Variants in PLEKHA7 observed in about 807,000 individuals in gnomAD.
PLEKHA7 encodes the protein pleckstrin homology domain-containing family A member 7.
PLEKHA7 carries 104 observed loss-of-function variants against 170.0 expected under a neutral mutation model. The ratio of observed to expected loss-of-function variants is 0.61; its 90% CI spans 0.52 to 0.72. The LOEUF (loss-of-function observed/expected upper bound fraction) is 0.72, where lower values mean the gene tolerates loss of function less well. Among genes scored for constraint, PLEKHA7 ranks in the 30% least tolerant of loss-of-function variants. PLEKHA7 has a pLI of 0.00. For synonymous variants in PLEKHA7, 648 were observed against 660.8 expected (o/e 0.98, Z 0.30); for missense variants, 1,615 against 1,671.7 (o/e 0.97, Z 0.59).
chr11:16,853,124 T>G (rs1853120014), intron 6 of PLEKHA7, among the ~76,000 whole-genome samples: 2 of 152,122 alleles, frequency 1.3e-5, no homozygotes, highest in African/African-American at 4.8e-5. Context: ...GGCAGGAAGA[T>G]CGCCTGTGAC....
intron 3 of PLEKHA7, among the ~76,000 whole-genome samples, chr11:16,948,626 GCA>G (rs149014953): frequency 1.4e-5 from 2 of 140,226 alleles, no homozygotes; most frequent in Non-Finnish European, 3.1e-5. Context: ...ACACACATGT[GCA>G]CACACACAGA....
chr11:16,846,346 C>T (rs2058160), intron 8 of PLEKHA7, among the ~76,000 whole-genome samples: 13,267 of 152,020 alleles, frequency 0.087, 842 homozygotes, highest in Non-Finnish European at 0.13. Context: ...AGAAAAGAAA[C>T]GAAACTTCTC....
chr11:16,961,540 C>T (rs1319897459), intron 3 of PLEKHA7, among the ~76,000 whole-genome samples: 2 of 152,226 alleles, frequency 1.3e-5, no homozygotes, highest in African/African-American at 4.8e-5. Flanking sequence ...ACCCTGCACC[C>T]ACCCCTGGCT....
chr11:16,826,099 G>T (rs1057100653), intron 10 of PLEKHA7, 21 bp downstream of exon 10: 2 of 1,601,558 alleles, frequency 1.2e-6, no homozygotes, highest in East Asian at 2.2e-5. Flanking sequence ...TATAAGCAGC[G>T]ATCCTGAGTC....
chr11:16,890,655 C>T (rs754278558), intron 3 of PLEKHA7, among the ~76,000 whole-genome samples: 3 of 152,074 alleles, frequency 2.0e-5, no homozygotes, highest in Non-Finnish European at 4.4e-5. Flanking sequence ...CATCTAGTCT[C>T]TTTGTTGCAT....
intron 23 of PLEKHA7, chr11:16,787,190 C>G: frequency 1.0e-6 from 1 of 985,402 alleles, no homozygotes; most frequent in Non-Finnish European, 1.2e-6. Context: ...GGCCTTTGAC[C>G]GCTGAGCAGG....
rs935426198 is a variant in PLEKHA7, at chr11:16,791,141, G to A, written c.2804C>T (p.Pro935Leu). The change falls in exon 20 of 27, where the codon CCC becomes CTC. Residue 935 changes from proline to leucine, a missense_variant. Physicochemically the swap from Pro to Leu is moderately conservative, Grantham distance 98 (BLOSUM62 -3). Coordinates refer to ENST00000531066, the MANE Select transcript of PLEKHA7 (RefSeq NM_001329630.2). This position sits in a 1 kb window ranked among gnomAD's most constrained non-coding sequence, Gnocchi z 4.5. ...LPELYSPEDQPPAVPPLPREA... is the reference protein window; with the variant it reads ...LPELYSPEDQLPAVPPLPREA... ...TCTTGGCAGAGGCGGCACAGCCGGG[G>A]GCTGGTCCTCTGGGCTGTAGAGTTC... 1 of 1,613,796 alleles carries A rather than the reference G, an allele frequency of 6.2e-7. No individual in the cohort carries two copies. The highest frequency in any genetic ancestry group is 8.5e-7 in the Non-Finnish European group (1 of 1,179,922).
chr11:16,952,587 T>A (rs890258135), intron 3 of PLEKHA7, among the ~76,000 whole-genome samples: 4 of 152,128 alleles, frequency 2.6e-5, no homozygotes, highest in Non-Finnish European at 4.4e-5. Flanking sequence ...AAAAAAAAAA[T>A]TCCCAGACTT....
At chr11:16,868,105 C>A (rs1476075069) in intron 4 of PLEKHA7, among the ~76,000 whole-genome samples, 1 of 152,124 alleles carries the variant, frequency 6.6e-6, no homozygotes, top group Non-Finnish European at 1.5e-5. Flanking sequence ...TCAGTTTAAA[C>A]CACATCCCTT....
Position 16,820,550 on chromosome 11 carries a change from T to G in PLEKHA7, c.1344-3228A>C, listed in dbSNP as rs1850131967. ...AGTGCCTGAATCCTCAAAACAGAGG[T>G]GGTAGCGGTGGCAGAAACCAGGCTG... On this transcript the variant is annotated intron_variant, in intron 10 of 26. Coordinates refer to ENST00000531066, the MANE Select transcript of PLEKHA7 (RefSeq NM_001329630.2). 2.0e-5 allele frequency among the ~76,000 whole-genome samples: 3 copies of G among 151,956 alleles called. No homozygotes were observed. In the South Asian group the frequency reaches 6.2e-4, roughly 32 times the overall value.
chr11:16,924,127 A>G lies in PLEKHA7; in HGVS notation c.222-52945T>C, dbSNP rs190083873. ...TTAGGGCCCCACCCAGAAATACCCC[A>G]GCACACAAACAGGACACCTTGTACA... On this transcript the variant is annotated intron_variant, in intron 3 of 26. Coordinates refer to ENST00000531066, the MANE Select transcript of PLEKHA7 (RefSeq NM_001329630.2). Among the ~76,000 whole-genome samples the G allele has an allele frequency of 2.1e-3, 318 of 150,872 alleles. 2 individuals are homozygous for G. The highest frequency in any genetic ancestry group is 7.4e-3 in the African/African-American group (302 of 40,958).
intron 3 of PLEKHA7, among the ~76,000 whole-genome samples, chr11:16,925,879 G>C (rs1341826998): frequency 6.6e-6 from 1 of 152,248 alleles, no homozygotes; most frequent in Non-Finnish European, 1.5e-5. Flanking sequence ...TCCTCGTAGA[G>C]GATGCTGCAA....
At chr11:16,842,807 G>A (rs775975021) in intron 8 of PLEKHA7, among the ~76,000 whole-genome samples, 1 of 152,162 alleles carries the variant, frequency 6.6e-6, no homozygotes, top group African/African-American at 2.4e-5. Context: ...TACCTACTAT[G>A]TGTCTCCTAG....
intron 3 of PLEKHA7, among the ~76,000 whole-genome samples, chr11:17,010,818 C>T (rs961136156): frequency 2.0e-5 from 3 of 151,884 alleles, no homozygotes; most frequent in Non-Finnish European, 2.9e-5. Flanking sequence ...GAAATGCTCA[C>T]GGCAAAGCTA....
At chr11:16,848,943 G>A (rs929588854) in intron 8 of PLEKHA7, among the ~76,000 whole-genome samples, 6 of 152,132 alleles carry the variant, frequency 3.9e-5, no homozygotes, top group African/African-American at 1.2e-4. Context: ...TATAGACCCT[G>A]AGCTGCCCCC....
intron 8 of PLEKHA7, chr11:16,842,446 C>A (rs1199454890): frequency 6.6e-6 from 1 of 152,132 alleles, no homozygotes; most frequent in Non-Finnish European, 1.5e-5. Flanking sequence ...CAAGGGTATA[C>A]TAGTAGCTGC....
Position 16,791,082 on chromosome 11 carries a change from C to T in PLEKHA7, c.2863G>A (p.Gly955Ser), listed in dbSNP as rs771872092. 1.2e-6 allele frequency: 2 copies of T among 1,614,174 alleles called. No homozygotes were observed. The highest frequency in any genetic ancestry group is 1.1e-5 in the South Asian group (1 of 91,086). ...ATIIRHTSVR[G>S]LKRQSDERKR... ...CTCTCGTCTGACTGCCGCTTGAGGC[C>T]CCGCACAGATGTGTGCCGGATGATG... The change falls in exon 20 of 27, where the codon GGC (glycine) becomes AGC (serine). Residue 955 changes from glycine (G) to serine (S), a missense_variant. Coordinates refer to ENST00000531066, the MANE Select transcript of PLEKHA7 (RefSeq NM_001329630.2). This position sits in a 1 kb window ranked among gnomAD's most constrained non-coding sequence, Gnocchi z 4.5.
At chr11:16,860,753 C>T (rs962412100) in intron 4 of PLEKHA7, among the ~76,000 whole-genome samples, 2 of 152,158 alleles carry the variant, frequency 1.3e-5, no homozygotes, top group African/African-American at 4.8e-5. Flanking sequence ...GGCTTTTGCT[C>T]TTTTCAGCCC....
chr11:16,814,847 T>A (rs923824039), intron 12 of PLEKHA7, among the ~76,000 whole-genome samples: 6 of 152,128 alleles, frequency 3.9e-5, no homozygotes, highest in African/African-American at 1.4e-4. Context: ...CCTTTCCACA[T>A]CCCAAGCAGT....
Sources: gnomAD v4.1 joint callset for allele counts (sites outside exome capture counted in the v4.1 genomes callset) on GRCh38, gnomAD v4.1.1 for gene constraint, Gnocchi (gnomAD v3.1) non-coding constraint, MANE v1.5 for transcripts, NCBI Gene and HGNC (gene_info 2026-07-23, HGNC 2026-07-21) for gene names.